GREB1L: variants seen among roughly 807,000 people sequenced by gnomAD.
GREB1L encodes the protein GREB1-like protein.
A neutral mutation model predicts 200.8 loss-of-function variants in GREB1L; 17 were observed. The ratio of observed to expected loss-of-function variants is 0.08; its 90% CI spans 0.06 to 0.13. The LOEUF is 0.13. Among genes scored for constraint, GREB1L ranks in the 10% least tolerant of loss-of-function variants. GREB1L has a pLI of 1.00. For missense variants in GREB1L, 1,657 were observed against 2,367.7 expected (o/e 0.70, Z 6.23); for synonymous variants, 789 against 893.0 (o/e 0.88, Z 2.08).
intron 1 of GREB1L, among the ~76,000 whole-genome samples, chr18:21,262,321 T>G (rs1022986591): frequency 2.6e-5 from 4 of 152,164 alleles, no homozygotes; most frequent in Non-Finnish European, 4.4e-5. Context: ...CCATTCCTCT[T>G]AACTTCTGAG....
chr18:21,374,032 C>T (rs1476705902), intron 2 of GREB1L, among the ~76,000 whole-genome samples: 1 of 151,746 alleles, frequency 6.6e-6, no homozygotes, highest in Non-Finnish European at 1.5e-5. Flanking sequence ...GGCCAGGTTT[C>T]ACTCTGTCAC....
At chr18:21,420,799 G>A (rs536243614) in intron 7 of GREB1L, among the ~76,000 whole-genome samples, 1 of 152,236 alleles carries the variant, frequency 6.6e-6, no homozygotes, top group Admixed American at 6.5e-5. Context: ...TACCAGAGGG[G>A]AAAGAAAATA....
intron 5 of GREB1L, among the ~76,000 whole-genome samples, chr18:21,395,956 C>T (rs370606408): frequency 1.9e-3 from 290 of 152,082 alleles, no homozygotes; most frequent in African/African-American, 6.9e-3. Context: ...TCTTAAACCC[C>T]TGACCTCGTG....
intron 17 of GREB1L, among the ~76,000 whole-genome samples, chr18:21,481,810 C>T (rs1204202156): frequency 6.6e-6 from 1 of 152,102 alleles, no homozygotes; most frequent in African/African-American, 2.4e-5. Flanking sequence ...TTTCATGAAT[C>T]GTAAATCATT....
chr18:21,510,303 T>C (rs2037188132), intron 27 of GREB1L, among the ~76,000 whole-genome samples: 1 of 152,196 alleles, frequency 6.6e-6, no homozygotes, highest in Admixed American at 6.5e-5. Flanking sequence ...TAAGACTGAT[T>C]TCCAGAACTC....
chr18:21,342,773 G>T (rs2039287764), intron 1 of GREB1L, among the ~76,000 whole-genome samples: 1 of 152,104 alleles, frequency 6.6e-6, no homozygotes, highest in South Asian at 2.1e-4. Context: ...AAAGAGTAGA[G>T]GAAATTGTGC....
chr18:21,469,902 T>C (rs1052349906), intron 15 of GREB1L, among the ~76,000 whole-genome samples: 2 of 152,202 alleles, frequency 1.3e-5, no homozygotes, highest in Non-Finnish European at 2.9e-5. Flanking sequence ...GACAAACCTC[T>C]CCCATGTTTT....
At chr18:21,320,723 G>A (rs1336945052) in intron 1 of GREB1L, among the ~76,000 whole-genome samples, 2 of 150,582 alleles carry the variant, frequency 1.3e-5, no homozygotes, top group Admixed American at 6.6e-5. Flanking sequence ...CTGAGATCGC[G>A]CCACTGCACT....
At chr18:21,304,349 A>G (rs965269273) in intron 1 of GREB1L, among the ~76,000 whole-genome samples, 7 of 150,992 alleles carry the variant, frequency 4.6e-5, no homozygotes, top group African/African-American at 1.7e-4. Flanking sequence ...CATTGAGCAA[A>G]CAAAAGATGA....
At chr18:21,427,747 G>C (rs2032726706) in intron 7 of GREB1L, among the ~76,000 whole-genome samples, 1 of 152,182 alleles carries the variant, frequency 6.6e-6, no homozygotes, top group Non-Finnish European at 1.5e-5. Context: ...TAGTTTTGTA[G>C]TGGCTTCCTT....
intron 1 of GREB1L, among the ~76,000 whole-genome samples, chr18:21,300,827 G>A (rs548561947): frequency 7.9e-5 from 12 of 152,204 alleles, no homozygotes; most frequent in African/African-American, 2.6e-4. Context: ...GAGGGGTGGT[G>A]GGGGGAGGGA....
Position 21,525,459 on chromosome 18 carries a change from TAAGAAAA to T in GREB1L, c.*2639_*2645del, listed in dbSNP as rs2037669667. 6.6e-6 allele frequency: 1 copy of T among 152,186 alleles called. No homozygotes were observed. The highest frequency in any genetic ancestry group is 2.1e-4 in the South Asian group (1 of 4,832). 9.4% of individuals were successfully genotyped at this position (152,186 alleles called of 1,614,324 possible). A position where few individuals can be genotyped will look rare whatever the true frequency, so the allele number is the denominator to read the frequency against. ...CTTTATAGTTTTCTGGCATGTTTGTTAAGAAAACAAGCTCCCTGACTCTGGCAATGTC... is the reference window on the plus strand; with the variant it reads ...CTTTATAGTTTTCTGGCATGTTTGTTCAAGCTCCCTGACTCTGGCAATGTC... On this transcript the variant is annotated 3_prime_UTR_variant, in exon 33 of 33. Coordinates refer to ENST00000424526, the MANE Select transcript of GREB1L (RefSeq NM_001142966.3).
intron 7 of GREB1L, among the ~76,000 whole-genome samples, chr18:21,414,470 G>GA (rs1277057969): frequency 6.6e-6 from 1 of 152,274 alleles, no homozygotes; most frequent in East Asian, 1.9e-4. Context: ...TAGGTTAGTA[G>GA]AAAATGTCTG....
intron 1 of GREB1L, among the ~76,000 whole-genome samples, chr18:21,283,295 A>C (rs2038302054): frequency 6.6e-6 from 1 of 152,220 alleles, no homozygotes; most frequent in Non-Finnish European, 1.5e-5. Flanking sequence ...ATACTGATCC[A>C]AAAGAGTGAA....
intron 7 of GREB1L, among the ~76,000 whole-genome samples, chr18:21,422,441 C>T (rs1252794144): frequency 6.6e-6 from 1 of 152,090 alleles, no homozygotes; most frequent in Non-Finnish European, 1.5e-5. Flanking sequence ...AAACAGGTAA[C>T]CACTGTAATT....
chr18:21,275,042 C>A (rs986845666), intron 1 of GREB1L, among the ~76,000 whole-genome samples: 6 of 152,094 alleles, frequency 3.9e-5, no homozygotes, highest in Non-Finnish European at 8.8e-5. Context: ...GAGATCGAGA[C>A]CATCCTGGCT....
At chr18:21,439,359 T>C (rs2033760181) in intron 7 of GREB1L, among the ~76,000 whole-genome samples, 162 bp from the exon 8 acceptor site, 2 of 152,184 alleles carry the variant, frequency 1.3e-5, no homozygotes, top group Non-Finnish European at 2.9e-5. Flanking sequence ...ATGAAGATCT[T>C]CCTCTGACAG....
chr18:21,407,362 G>A (rs923936945), intron 7 of GREB1L, among the ~76,000 whole-genome samples: 3 of 152,128 alleles, frequency 2.0e-5, no homozygotes, highest in African/African-American at 7.2e-5. Context: ...GTCTAACTCA[G>A]GATCTTGAAA....
chr18:21,269,561 A>G (rs2038045741), intron 1 of GREB1L, among the ~76,000 whole-genome samples: 1 of 152,190 alleles, frequency 6.6e-6, no homozygotes, highest in African/African-American at 2.4e-5. Flanking sequence ...TGCCAGTAGG[A>G]ATGAAAATAC....
Sources: allele counts gnomAD v4.1 joint callset (sites outside exome capture counted in the v4.1 genomes callset), GRCh38; gene constraint gnomAD v4.1.1; transcripts MANE v1.5; gene names NCBI Gene and HGNC (gene_info 2026-07-23, HGNC 2026-07-21).